Variants in MIEF1 observed in about 807,000 individuals in gnomAD.
The protein encoded by MIEF1 is mitochondrial elongation factor 1, also known as mitochondrial dynamics protein MIEF1.
MIEF1 carries 14 observed loss-of-function variants against 35.1 expected under a neutral mutation model. The ratio of observed to expected loss-of-function variants is 0.40; its 90% CI spans 0.26 to 0.62. The LOEUF (loss-of-function observed/expected upper bound fraction) is 0.62, where lower values mean the gene tolerates loss of function less well. Among genes scored for constraint, MIEF1 ranks in the 20% least tolerant of loss-of-function variants. The pLI is 0.43. For synonymous variants in MIEF1, 245 were observed against 254.3 expected (o/e 0.96, Z 0.35); for missense variants, 542 against 615.4 (o/e 0.88, Z 1.26).
rs765495130 is a variant in MIEF1, at chr22:39,513,771, G to T, written c.840G>T (p.Gly280=). ...GCTCCATCAATTGGCCAGCCATAGGGTCCCTCTTGGACTATGTGATCCGCC... is the reference window on the plus strand; with the variant it reads ...GCTCCATCAATTGGCCAGCCATAGGTTCCCTCTTGGACTATGTGATCCGCC... ...VAGSINWPAI[G]SLLDYVIRPA... is the part of the protein sequence containing the mutation. The change falls in exon 6 of 6, where the codon GGG becomes GGT. Residue 280 remains glycine, a synonymous_variant. Coordinates refer to ENST00000325301, the MANE Select transcript of MIEF1 (RefSeq NM_019008.6). The T allele has an allele frequency of 6.2e-7, 1 of 1,614,066 alleles. No individual in the cohort carries two copies. The highest frequency in any genetic ancestry group is 1.3e-5 in the African/African-American group (1 of 75,014).
At chr22:39,505,469 G>T (rs1384611587) in intron 2 of MIEF1, among the ~76,000 whole-genome samples, 1 of 152,152 alleles carries the variant, frequency 6.6e-6, no homozygotes, top group African/African-American at 2.4e-5. Flanking sequence ...TGGGATTATA[G>T]GTTCAAACAG....
upstream of MIEF1, among the ~76,000 whole-genome samples, chr22:39,500,733 C>T (rs958170313): frequency 7.3e-5 from 11 of 151,570 alleles, no homozygotes; most frequent in Non-Finnish European, 1.3e-4. Flanking sequence ...CTTGTTCTGT[C>T]GCCCAGGCTG....
At chr22:39,508,334 C>T (rs1401292454) in intron 2 of MIEF1, among the ~76,000 whole-genome samples, 1 of 152,220 alleles carries the variant, frequency 6.6e-6, no homozygotes. Context: ...CACCAGTCAT[C>T]AGAAGGGCAC....
intron 2 of MIEF1, among the ~76,000 whole-genome samples, chr22:39,508,206 G>C (rs1930145110): frequency 6.6e-6 from 1 of 152,210 alleles, no homozygotes; most frequent in African/African-American, 2.4e-5. Flanking sequence ...GAGGTGTTAA[G>C]TAACTCATTT....
chr22:39,500,437 T>G (rs1363499583), upstream of MIEF1: 3 of 149,712 alleles, frequency 2.0e-5, no homozygotes, highest in South Asian at 6.4e-4. Flanking sequence ...TGTCCCTCCC[T>G]CCGAAAAATA....
chr22:39,505,639 G>C (rs1929978339), intron 2 of MIEF1, among the ~76,000 whole-genome samples: 1 of 152,178 alleles, frequency 6.6e-6, no homozygotes, highest in African/African-American at 2.4e-5. Flanking sequence ...TCTTATGTGG[G>C]GACCATCACA....
chr22:39,514,432 G>C lies in MIEF1; in HGVS notation c.*109G>C. On this transcript the variant is annotated 3_prime_UTR_variant, in exon 6 of 6. Coordinates refer to ENST00000325301, the MANE Select transcript of MIEF1 (RefSeq NM_019008.6). ...CAGGGTTCCTGCTGCCTGGTGTCTT[G>C]CTGATCATCACCCTGGTCACTTCAT... 1.9e-6 allele frequency: 2 copies of C among 1,047,422 alleles called. No homozygotes were observed. The highest frequency in any genetic ancestry group is 1.4e-6 in the Non-Finnish European group (1 of 705,104). 64.9% of individuals were successfully genotyped at this position (1,047,422 alleles called of 1,614,324 possible).
upstream of MIEF1, chr22:39,500,285 C>T (rs1292446814): frequency 6.6e-6 from 1 of 152,048 alleles, no homozygotes; most frequent in African/African-American, 2.4e-5. Context: ...CTAGATACCA[C>T]CTCACTGCCC....
upstream of MIEF1, among the ~76,000 whole-genome samples, chr22:39,500,659 A>G (rs527253388): frequency 1.3e-5 from 2 of 151,468 alleles, no homozygotes; most frequent in South Asian, 4.2e-4. Context: ...TGTCTTAGAA[A>G]CTACTATGCC....
Position 39,514,529 on chromosome 22 carries a change from T to C in MIEF1, c.*206T>C, listed in dbSNP as rs530612930. On this transcript the variant is annotated 3_prime_UTR_variant, in exon 6 of 6. Coordinates refer to ENST00000325301, the MANE Select transcript of MIEF1 (RefSeq NM_019008.6). The stretch of plus-strand genomic sequence containing the variant: ...TCTTCCTATTTTTGTTACCAATCAC[T>C]GTGCTCTCTGCCGCCCCCTGGCTCC... 3.3e-6 allele frequency: 2 copies of C among 600,958 alleles called. No homozygotes were observed. Among genetic ancestry groups the C allele is most frequent in the Non-Finnish European group, 5.8e-6 (2 of 344,448 alleles). 37.2% of individuals were successfully genotyped at this position (600,958 alleles called of 1,614,324 possible). A position where few individuals can be genotyped will look rare whatever the true frequency, so the allele number is the denominator to read the frequency against.
In MIEF1 at chr22:39,512,506, G is replaced by C; in HGVS notation, c.585+12G>C. The C allele has an allele frequency of 6.2e-7, 1 of 1,600,284 alleles. No individual in the cohort carries two copies. The highest frequency in any genetic ancestry group is 2.2e-5 in the East Asian group (1 of 44,682). The stretch of plus-strand genomic sequence containing the variant: ...ACGATGACCTGCAGGTAACAAGGTG[G>C]TTCTCATGGTGGGTGGGGTTTGAGT... On this transcript the variant is annotated intron_variant, in intron 5 of 5. Coordinates refer to ENST00000325301, the MANE Select transcript of MIEF1 (RefSeq NM_019008.6).
intron 5 of MIEF1, among the ~76,000 whole-genome samples, chr22:39,512,976 C>G (rs1930438189): frequency 1.3e-5 from 2 of 152,208 alleles, no homozygotes; most frequent in South Asian, 4.1e-4. Context: ...AATCGTTTCT[C>G]ATGTTTTAGT....
intron 2 of MIEF1, among the ~76,000 whole-genome samples, chr22:39,508,442 C>T (rs1365242261): frequency 6.6e-6 from 1 of 152,202 alleles, no homozygotes; most frequent in Admixed American, 6.5e-5. Context: ...TTAGAGGGCA[C>T]ATGTGTCCAG....
chr22:39,504,734 T>G, intron 2 of MIEF1, 200 bp downstream of exon 2: 1 of 229,810 alleles, frequency 4.4e-6, no homozygotes. Flanking sequence ...TGAGGTATGA[T>G]TGCACCACTG....
chr22:39,511,222 G>A, intron 2 of MIEF1, 66 bp from the exon 3 acceptor site: 1 of 1,601,892 alleles, frequency 6.2e-7, no homozygotes, highest in Non-Finnish European at 8.5e-7. Flanking sequence ...TTGGGGTTTG[G>A]CTTGTTAGGG....
intron 5 of MIEF1, 150 bp from the exon 6 acceptor site, chr22:39,513,367 G>T (rs1930466910): frequency 1.3e-6 from 1 of 786,414 alleles, no homozygotes; most frequent in Non-Finnish European, 2.0e-6. Context: ...GCTTCCCACA[G>T]TGCTGAGATT....
At chr22:39,512,749 C>T (rs1269621339) in intron 5 of MIEF1, among the ~76,000 whole-genome samples, 2 of 151,924 alleles carry the variant, frequency 1.3e-5, no homozygotes, top group East Asian at 1.9e-4. Context: ...TGGGTTCAAG[C>T]GATTCTCCTG....
Position 39,514,338 on chromosome 22 carries a change from A to G in MIEF1, c.*15A>G, listed in dbSNP as rs376185243. ...TGCAGACGTAGGGCAGGTGAAGGCC[A>G]AAGCGGGTGTTGGTGGTCAGGCCCT... is the stretch of plus-strand genomic sequence containing the variant. On this transcript the variant is annotated 3_prime_UTR_variant, in exon 6 of 6. Coordinates refer to ENST00000325301, the MANE Select transcript of MIEF1 (RefSeq NM_019008.6). The G allele has an allele frequency of 1.1e-5, 17 of 1,609,964 alleles. No homozygotes were observed. Among genetic ancestry groups the G allele is most frequent in the Middle Eastern group, 1.8e-4 (1 of 5,576 alleles).
At chr22:39,502,865 G>GA (rs1929818012) in intron 1 of MIEF1, among the ~76,000 whole-genome samples, 1 of 152,214 alleles carries the variant, frequency 6.6e-6, no homozygotes, top group South Asian at 2.1e-4. Flanking sequence ...AACAGTTGAG[G>GA]AAAAATGGGC....
Sources: allele counts gnomAD v4.1 joint callset (sites outside exome capture counted in the v4.1 genomes callset), GRCh38; gene constraint gnomAD v4.1.1; transcripts MANE v1.5; gene names NCBI Gene and HGNC (gene_info 2026-07-23, HGNC 2026-07-21).